Variants in CZIB observed in about 807,000 individuals in gnomAD.
CZIB encodes UPF0587 protein C1orf123.
In CZIB, 26 loss-of-function variants were observed where a neutral mutation model predicts 28.3. The observed-to-expected ratio is 0.92, with a 90% CI of 0.67 to 1.27. The LOEUF is 1.27. Among genes scored for constraint, CZIB ranks in the 50% most tolerant of loss-of-function variants. The pLI, the probability that CZIB is intolerant of heterozygous loss-of-function variation, is 0.00. For missense variants in CZIB, 179 were observed against 197.3 expected, an observed-to-expected ratio of 0.91 and a Z score of 0.56; for synonymous variants, 78 against 71.1, an observed-to-expected ratio of 1.10 and a Z score of -0.49.
intron 1 of CZIB, 60 bp from the exon 2 acceptor site, chr1:53,220,404 G>C: frequency 1.3e-6 from 2 of 1,588,962 alleles, no homozygotes; most frequent in South Asian, 1.1e-5. Flanking sequence ...ACGCCTGCCC[G>C]ACCCTCCCGC....
intron 6 of CZIB, among the ~76,000 whole-genome samples, 182 bp downstream of exon 6, chr1:53,216,600 G>C (rs1439429857): frequency 1.3e-5 from 2 of 152,154 alleles, no homozygotes; most frequent in Non-Finnish European, 1.5e-5. Context: ...ATTAAATGTG[G>C]TAACATGTAA....
intron 2 of CZIB, chr1:53,220,014 A>C: frequency 2.1e-6 from 1 of 474,810 alleles, no homozygotes; most frequent in Non-Finnish European, 3.7e-6. Flanking sequence ...CATTTCGTTT[A>C]GTGTCCATTT....
At chr1:53,218,972 C>T (rs1227640943) in intron 2 of CZIB, 49 bp from the exon 3 acceptor site, 1 of 1,522,606 alleles carries the variant, frequency 6.6e-7, no homozygotes, top group Admixed American at 1.7e-5. Flanking sequence ...GCTGCACAGA[C>T]ACCAAGGAAA....
In CZIB at chr1:53,218,943, T is replaced by C. The variant is rs764732648; in HGVS notation, c.91-20A>G. On this transcript the variant is annotated intron_variant, in intron 2 of 7. Coordinates refer to ENST00000294360, the MANE Select transcript of CZIB (RefSeq NM_017887.3). Reference sequence around the variant, plus strand: ...TTTCATCTTTGGGGAAAAAGAATGTTAGTAAAGCAGCTGGCTCTGCTGCAC... The same window carrying C: ...TTTCATCTTTGGGGAAAAAGAATGTCAGTAAAGCAGCTGGCTCTGCTGCAC... 11 of 1,610,110 alleles carry C rather than the reference T, an allele frequency of 6.8e-6. No homozygotes were observed. Among genetic ancestry groups the C allele is most frequent in the Non-Finnish European group, 9.3e-6 (11 of 1,176,520 alleles).
chr1:53,217,591 T>C (rs1209902912), intron 5 of CZIB: 1 of 153,926 alleles, frequency 6.5e-6, no homozygotes, highest in African/African-American at 2.4e-5. Flanking sequence ...CCTAGTTCGA[T>C]TCTTGTTTTT....
chr1:53,219,019 T>C, intron 2 of CZIB, 96 bp from the exon 3 acceptor site: 1 of 1,038,900 alleles, frequency 9.6e-7, no homozygotes, highest in South Asian at 1.3e-5. Context: ...GCTCATGATC[T>C]ACCTTCTTGA....
At position 53,220,189 on chromosome 1, in the gene CZIB, C is replaced by G. The variant is rs895394314; in HGVS notation, c.90+72G>C. 14 of 1,329,260 alleles carry G rather than the reference C, an allele frequency of 1.1e-5. No individual in the cohort carries two copies. The East Asian group carries it at 3.0e-4, about 29-fold the overall frequency. The allele number at this position is 1,329,260 out of a possible 1,614,324, so 82.3% of individuals were successfully genotyped here. ...CTGGTTAAATATTTTCTCATACTGC[C>G]GGAGAGAAGGCTCCGGTTCAGCACT... On this transcript the variant is annotated intron_variant, in intron 2 of 7. Coordinates refer to ENST00000294360, the MANE Select transcript of CZIB (RefSeq NM_017887.3).
chr1:53,218,636 G>C lies in CZIB; in HGVS notation c.148-141C>G, dbSNP rs945855800. The stretch of plus-strand genomic sequence containing the variant: ...TTACTAGGACAAGACTCCTGGGAAG[G>C]CTTCCTGAGGAAAATAAAAAAAGGG... On this transcript the variant is annotated intron_variant, in intron 3 of 7. Transcript: ENST00000294360. 2.0e-5 allele frequency: 18 copies of C among 905,626 alleles called. No individual in the cohort carries two copies. In the Admixed American group the frequency reaches 2.9e-4, roughly 15 times the overall value. 56.1% of individuals were successfully genotyped at this position (905,626 alleles called of 1,614,324 possible).
At chr1:53,215,331 T>C (rs780965350) in intron 7 of CZIB, among the ~76,000 whole-genome samples, 2 of 152,136 alleles carry the variant, frequency 1.3e-5, no homozygotes, top group East Asian at 3.8e-4. Context: ...CAGAGTGAGA[T>C]TGTCTCAAAA....
chr1:53,220,197 A>G lies in CZIB; in HGVS notation c.90+64T>C. ...ATATTTTCTCATACTGCCGGAGAGAAGGCTCCGGTTCAGCACTGAGATCAG... is the reference window on the plus strand; with the variant it reads ...ATATTTTCTCATACTGCCGGAGAGAGGGCTCCGGTTCAGCACTGAGATCAG... On this transcript the variant is annotated intron_variant, in intron 2 of 7. Transcript: ENST00000294360. 1.2e-5 allele frequency: 16 copies of G among 1,377,930 alleles called. No individual in the cohort carries two copies. The South Asian group carries it at 1.9e-4, about 17-fold the overall frequency. 85.4% of individuals were successfully genotyped at this position (1,377,930 alleles called of 1,614,324 possible). A position where few individuals can be genotyped will look rare whatever the true frequency, so the allele number is the denominator to read the frequency against.
chr1:53,220,189 C>T (rs895394314), intron 2 of CZIB, 72 bp downstream of exon 2: 2 of 1,329,258 alleles, frequency 1.5e-6, no homozygotes, highest in African/African-American at 1.5e-5. Context: ...CTCATACTGC[C>T]GGAGAGAAGG....
intron 5 of CZIB, chr1:53,217,117 C>T: frequency 2.4e-6 from 1 of 414,514 alleles, no homozygotes. Flanking sequence ...GTAAGCTCTG[C>T]CTATCTTCCC....
chr1:53,216,554 G>A (rs1270550854), intron 6 of CZIB, among the ~76,000 whole-genome samples: 1 of 152,214 alleles, frequency 6.6e-6, no homozygotes, highest in East Asian at 1.9e-4. Context: ...CTCATCTGAA[G>A]AACAGGATGA....
At chr1:53,216,991 C>T in intron 5 of CZIB, 132 bp from the exon 6 acceptor site, 1 of 752,134 alleles carries the variant, frequency 1.3e-6, no homozygotes, top group East Asian at 2.5e-5. Context: ...AGAACTCATC[C>T]CCTTCTTAGA....
chr1:53,218,583 A>G, intron 3 of CZIB, 88 bp from the exon 4 acceptor site: 1 of 1,326,890 alleles, frequency 7.5e-7, no homozygotes, highest in Non-Finnish European at 1.1e-6. Flanking sequence ...TTGTCCACTT[A>G]AAGAGACCAA....
Position 53,216,065 on chromosome 1 carries a change from C to G in CZIB, c.340-9G>C, listed in dbSNP as rs1645470542. The G allele has an allele frequency of 1.2e-6, 2 of 1,613,984 alleles. No homozygotes were observed. Among genetic ancestry groups the G allele is most frequent in the Non-Finnish European group, 1.7e-6 (2 of 1,179,898 alleles). ...TCAGCAGCAAACCCAGCCTGCAGGG[C>G]ACAAGAAGGTACCAGTTAGTCTTGG... On this transcript the variant is annotated splice_polypyrimidine_tract_variant and intron_variant, in intron 6 of 7. Coordinates refer to ENST00000294360, the MANE Select transcript of CZIB (RefSeq NM_017887.3).
intron 7 of CZIB, 133 bp from the exon 8 acceptor site, chr1:53,214,869 G>C (rs1486515875): frequency 1.6e-6 from 1 of 642,172 alleles, no homozygotes. Flanking sequence ...CCTGAACAGA[G>C]CCAGATAGCT....
intron 5 of CZIB, chr1:53,217,821 A>G (rs1437318877): frequency 7.4e-6 from 2 of 269,642 alleles, no homozygotes; most frequent in African/African-American, 4.4e-5. Flanking sequence ...GATGATATAA[A>G]GGATGGGATG....
At chr1:53,217,121 T>C in intron 5 of CZIB, 1 of 410,756 alleles carries the variant, frequency 2.4e-6, no homozygotes, top group Non-Finnish European at 4.5e-6. Context: ...GCTCTGCCTA[T>C]CTTCCCCTCT....
Sources: allele counts gnomAD v4.1 joint callset (sites outside exome capture counted in the v4.1 genomes callset), GRCh38; gene constraint gnomAD v4.1.1; transcripts MANE v1.5; gene names NCBI Gene and HGNC (gene_info 2026-07-23, HGNC 2026-07-21).